SYMPK: variants seen among roughly 807,000 people sequenced by gnomAD.
The protein encoded by SYMPK is symplekin scaffold protein.
In SYMPK, 49 loss-of-function variants were observed where a neutral mutation model predicts 136.4. That is an observed-to-expected ratio of 0.36 (90% confidence interval 0.29 to 0.46). The LOEUF is 0.46. SYMPK is among the 20% of genes least tolerant of loss of function. The pLI, the probability that SYMPK is intolerant of heterozygous loss-of-function variation, is 1.00. For missense variants in SYMPK, 1,365 were observed against 1,690.0 expected, an observed-to-expected ratio of 0.81 and a Z score of 3.37; for synonymous variants, 766 against 713.0, an observed-to-expected ratio of 1.07 and a Z score of -1.19.
intron 8 of SYMPK, 120 bp from the exon 9 acceptor site, chr19:45,842,609 C>T: frequency 2.1e-6 from 3 of 1,424,902 alleles, no homozygotes; most frequent in Non-Finnish European, 2.8e-6. Context: ...AAAGTTCCTT[C>T]ACCCTCAGAT....
chr19:45,822,471 G>A lies in SYMPK; in HGVS notation c.2791+285C>T, dbSNP rs563048139. On this transcript the variant is annotated intron_variant, in intron 21 of 26. Coordinates refer to ENST00000245934, the MANE Select transcript of SYMPK (RefSeq NM_004819.3). The stretch of plus-strand genomic sequence containing the variant: ...TCTGAGGAGGGGCCAGACTGGAGCC[G>A]GGCCTGAGAGGGGCTGGTGTGTGGC... Among the ~76,000 whole-genome samples the A allele has an allele frequency of 4.6e-5, 7 of 152,278 alleles. No individual in the cohort carries two copies. In the South Asian group the frequency reaches 6.2e-4, roughly 14 times the overall value.
chr19:45,850,075 AAAC>A (rs1022716107), intron 5 of SYMPK, among the ~76,000 whole-genome samples: 4 of 151,970 alleles, frequency 2.6e-5, no homozygotes, highest in African/African-American at 4.8e-5. Context: ...AAACAAAAAA[AAAC>A]AACAACAGAA....
intron 7 of SYMPK, among the ~76,000 whole-genome samples, chr19:45,844,851 A>C (rs1971523807): frequency 6.6e-6 from 1 of 152,142 alleles, no homozygotes; most frequent in South Asian, 2.1e-4. Flanking sequence ...GACCTTTCCT[A>C]TACAGAAACA....
Position 45,848,888 on chromosome 19 carries a change from AG to A in SYMPK, c.300-13del, listed in dbSNP as rs759042400. On this transcript the variant is annotated splice_polypyrimidine_tract_variant and intron_variant, in intron 5 of 26. Coordinates refer to ENST00000245934, the MANE Select transcript of SYMPK (RefSeq NM_004819.3). ...CAATGTCTCGCTTGCTGAGGGATGGAGAAAAAAGGGGCGAGGTCAAGGTGTG... is the reference window on the plus strand; with the variant it reads ...CAATGTCTCGCTTGCTGAGGGATGGAAAAAAAGGGGCGAGGTCAAGGTGTG... The A allele has an allele frequency of 1.2e-6, 2 of 1,613,752 alleles. No homozygotes were observed. The highest frequency in any genetic ancestry group is 2.2e-5 in the South Asian group (2 of 91,058).
At chr19:45,818,410 G>A (rs1970807104) in intron 22 of SYMPK, among the ~76,000 whole-genome samples, 1 of 152,192 alleles carries the variant, frequency 6.6e-6, no homozygotes, top group Non-Finnish European at 1.5e-5. Flanking sequence ...GGAACCCGTG[G>A]CCCCTCACTT....
intron 1 of SYMPK, among the ~76,000 whole-genome samples, 186 bp downstream of exon 1, chr19:45,862,872 G>A (rs761487328): frequency 1.3e-5 from 2 of 152,160 alleles, no homozygotes; most frequent in Non-Finnish European, 2.9e-5. Context: ...CGCCCGGGGG[G>A]CCACGTTGGA....
At chr19:45,841,286 T>C (rs1455638091) in intron 9 of SYMPK, among the ~76,000 whole-genome samples, 8 of 143,462 alleles carry the variant, frequency 5.6e-5, no homozygotes, top group African/African-American at 7.8e-5. Flanking sequence ...GCCTGGCAAT[T>C]CCCCCCCCAC....
intron 18 of SYMPK, 97 bp from the exon 19 acceptor site, chr19:45,823,972 C>A: frequency 1.2e-6 from 1 of 815,400 alleles, no homozygotes; most frequent in East Asian, 2.8e-5. Context: ...TGCTGGCGCC[C>A]AGGGTGAGAC....
chr19:45,831,061 C>T (rs538186179), intron 12 of SYMPK: 64 of 215,544 alleles, frequency 3.0e-4, no homozygotes, highest in African/African-American at 6.6e-4. Flanking sequence ...ACTTTTCACT[C>T]GAGTATCTAG....
At chr19:45,862,763 A>G (rs1398754845) in intron 1 of SYMPK, among the ~76,000 whole-genome samples, 2 of 152,248 alleles carry the variant, frequency 1.3e-5, no homozygotes, top group African/African-American at 4.8e-5. Flanking sequence ...GGGAAAGCGC[A>G]TGGCAAGTTT....
At chr19:45,817,002 GGA>G in intron 23 of SYMPK, 28 bp from the exon 24 acceptor site, 1 of 1,549,554 alleles carries the variant, frequency 6.5e-7, no homozygotes, top group Non-Finnish European at 8.7e-7. Context: ...GGAGCCGTCG[GGA>G]GAGGCACACA....
chr19:45,833,050 A>C (rs907903798), intron 11 of SYMPK, among the ~76,000 whole-genome samples: 1 of 151,284 alleles, frequency 6.6e-6, no homozygotes, highest in East Asian at 1.9e-4. Flanking sequence ...AAAACAAAAA[A>C]TTAGCTGGGA....
intron 20 of SYMPK, 117 bp downstream of exon 20, chr19:45,823,255 C>T (rs751889335): frequency 1.5e-4 from 154 of 1,032,518 alleles, no homozygotes; most frequent in Non-Finnish European, 2.2e-4. Context: ...GGCAAGGTGC[C>T]TTCTGCCCTC....
chr19:45,844,699 A>C (rs555013163), intron 7 of SYMPK, among the ~76,000 whole-genome samples: 1 of 152,092 alleles, frequency 6.6e-6, no homozygotes, highest in Non-Finnish European at 1.5e-5. Flanking sequence ...TTTAGTTATA[A>C]AGATGTTCAA....
Position 45,842,295 on chromosome 19 carries a change from G to A in SYMPK, c.1042C>T (p.Arg348Trp), listed in dbSNP as rs374940655. The A allele has an allele frequency of 2.5e-6, 4 of 1,614,066 alleles. No homozygotes were observed. The African/African-American group carries it at 4.0e-5, about 16-fold the overall frequency. ...GTGGAGTCCGAGTCATCGCGGGGCC[G>A]CTTGCGGGTGTCCTTGCTGCTCGGC... ...NMPSSKDTRKRPRDDSDSTLK... is the reference protein window; with the variant it reads ...NMPSSKDTRKWPRDDSDSTLK... Residue 348 changes from arginine to tryptophan, a missense_variant, in exon 9 of 27, where the codon CGG becomes TGG. Coordinates refer to ENST00000245934, the MANE Select transcript of SYMPK (RefSeq NM_004819.3).
In SYMPK at chr19:45,816,942, G is replaced by A. The variant is rs372284950; in HGVS notation, c.3114C>T (p.Phe1038=). ...VWKYPKVWEG[F]IKCCQRTKPQ... The stretch of plus-strand genomic sequence containing the variant: ...GCTTTGTGCGCTGGCAGCACTTGAT[G>A]AAGCCCTCCCACACCTTGGGGTACT... The change falls in exon 24 of 27, where the codon TTC becomes TTT. Residue 1038 remains phenylalanine, a synonymous_variant. Coordinates refer to ENST00000245934, the MANE Select transcript of SYMPK (RefSeq NM_004819.3). 6.5e-5 allele frequency: 102 copies of A among 1,561,684 alleles called. No individual in the cohort carries two copies. Among genetic ancestry groups the A allele is most frequent in the Non-Finnish European group, 8.5e-5 (98 of 1,152,894 alleles).
intron 26 of SYMPK, 27 bp from the exon 27 acceptor site, chr19:45,815,724 C>G (rs1568604080): frequency 1.2e-6 from 2 of 1,605,050 alleles, no homozygotes; most frequent in Non-Finnish European, 8.5e-7. Flanking sequence ...GAAAGGGCAG[C>G]CGGGTGGAGG....
intron 7 of SYMPK, among the ~76,000 whole-genome samples, chr19:45,846,962 T>G (rs1028777383): frequency 6.6e-6 from 1 of 151,848 alleles, no homozygotes; most frequent in Non-Finnish European, 1.5e-5. Flanking sequence ...CCCGGCTAAT[T>G]TTTGTATTTT....
intron 11 of SYMPK, among the ~76,000 whole-genome samples, chr19:45,834,402 T>C (rs1449818206): frequency 6.7e-6 from 1 of 149,262 alleles, no homozygotes; most frequent in African/African-American, 2.5e-5. Context: ...GAGGTTGCAG[T>C]AAGCCGAGAT....
Sources: allele counts gnomAD v4.1 joint callset (sites outside exome capture counted in the v4.1 genomes callset), GRCh38; gene constraint gnomAD v4.1.1; transcripts MANE v1.5; gene names NCBI Gene and HGNC (gene_info 2026-07-23, HGNC 2026-07-21).